SLC5A12: variants seen among roughly 807,000 people sequenced by gnomAD.
SLC5A12 encodes solute carrier family 5 member 12, also known as sodium-coupled monocarboxylate transporter 2.
Under a neutral mutation model 72.7 loss-of-function variants are expected in SLC5A12, and 46 were observed. The observed-to-expected ratio is 0.63, with a 90% CI of 0.50 to 0.81. The LOEUF (loss-of-function observed/expected upper bound fraction) is 0.81, where lower values mean the gene tolerates loss of function less well. Ranked by LOEUF, SLC5A12 falls within the 30% of genes least tolerant of loss-of-function variation. SLC5A12 has a pLI of 0.00. For synonymous variants in SLC5A12, 275 were observed against 264.4 expected (o/e 1.04, Z -0.39); for missense variants, 683 against 740.7 (o/e 0.92, Z 0.90).
chr11:26,721,819 CTG>C lies in SLC5A12; in HGVS notation c.-107_-106del. Reference sequence around the variant, plus strand: ...GTGGATGCTTTGCTGAGAGGAGAGACTGTGATTCCCTGAAGAAAATGATTACC... The same window carrying C: ...GTGGATGCTTTGCTGAGAGGAGAGACTGATTCCCTGAAGAAAATGATTACC... On this transcript the variant is annotated 5_prime_UTR_variant, in exon 1 of 15. Transcript: ENST00000396005. 2.1e-6 allele frequency: 2 copies of C among 940,532 alleles called. No homozygotes were observed. Among genetic ancestry groups the C allele is most frequent in the South Asian group, 1.6e-5 (1 of 61,710 alleles). The allele number at this position is 940,532 out of a possible 1,614,324, so 58.3% of individuals were successfully genotyped here.
chr11:26,711,219 C>T, intron 3 of SLC5A12, 88 bp downstream of exon 3: 1 of 1,094,572 alleles, frequency 9.1e-7, no homozygotes, highest in Non-Finnish European at 1.4e-6. Context: ...GAATATCTCC[C>T]CAACAAAGTA....
intron 7 of SLC5A12, 126 bp downstream of exon 7, chr11:26,698,280 A>G (rs1321798943): frequency 1.6e-6 from 2 of 1,259,066 alleles, no homozygotes; most frequent in Non-Finnish European, 2.2e-6. Context: ...GAAAGAAACC[A>G]ACTTCTTGGG....
intron 13 of SLC5A12, among the ~76,000 whole-genome samples, chr11:26,675,395 A>C (rs2133133223): frequency 1.3e-5 from 2 of 152,284 alleles, no homozygotes; most frequent in Middle Eastern, 6.8e-3. Context: ...CAAATTCTCA[A>C]ACCAGAAGCT....
chr11:26,706,892 T>C (rs912376397), intron 4 of SLC5A12, among the ~76,000 whole-genome samples: 2 of 151,136 alleles, frequency 1.3e-5, no homozygotes, highest in African/African-American at 4.8e-5. Flanking sequence ...AAAATAATGG[T>C]TATCATTTCA....
Position 26,670,980 on chromosome 11 carries a change from C to T in SLC5A12, c.*122G>A. ...TAAATAAGTAGAAATAGGCACCAGA[C>T]ATCCCTGTCTTCTAGCAATGGCAAC... On this transcript the variant is annotated 3_prime_UTR_variant, in exon 15 of 15. Transcript: ENST00000396005. 2.5e-6 allele frequency: 2 copies of T among 807,826 alleles called. No homozygotes were observed. Among genetic ancestry groups the T allele is most frequent in the South Asian group, 2.9e-5 (1 of 34,054 alleles). The allele number at this position is 807,826 out of a possible 1,614,324, so 50.0% of individuals were successfully genotyped here.
intron 8 of SLC5A12, 64 bp from the exon 9 acceptor site, chr11:26,692,665 T>C (rs190494003): frequency 5.2e-6 from 6 of 1,149,052 alleles, no homozygotes; most frequent in African/African-American, 4.5e-5. Context: ...CAGCCTGCCC[T>C]CTTGTCCAGG....
chr11:26,690,247 A>C (rs1854634823), intron 9 of SLC5A12, among the ~76,000 whole-genome samples: 2 of 152,242 alleles, frequency 1.3e-5, no homozygotes, highest in Non-Finnish European at 1.5e-5. Flanking sequence ...GAATAGCCAA[A>C]ATTTTTTTGT....
At chr11:26,704,063 T>C (rs1458794199) in intron 4 of SLC5A12, 116 bp from the exon 5 acceptor site, 1 of 1,114,018 alleles carries the variant, frequency 9.0e-7, no homozygotes, top group Non-Finnish European at 1.3e-6. Context: ...CATCAGCCAC[T>C]GAGGATCTTT....
intron 1 of SLC5A12, among the ~76,000 whole-genome samples, chr11:26,719,785 T>C (rs7128606): frequency 0.042 from 6,356 of 152,274 alleles, 342 homozygotes; most frequent in African/African-American, 0.12. Flanking sequence ...CATACCAGCA[T>C]TCCTCCTCTC....
chr11:26,677,923 C>G (rs1215619533), intron 13 of SLC5A12, among the ~76,000 whole-genome samples: 1 of 152,094 alleles, frequency 6.6e-6, no homozygotes, highest in Non-Finnish European at 1.5e-5. Flanking sequence ...GACAAGAGTA[C>G]AGTGAACTTA....
intron 7 of SLC5A12, among the ~76,000 whole-genome samples, chr11:26,697,853 C>T (rs562901523): frequency 1.4e-3 from 216 of 149,530 alleles, no homozygotes; most frequent in African/African-American, 5.1e-3. Context: ...CCTTGCTATG[C>T]TGCCAGACCT....
chr11:26,711,382 T>C (rs562163382), intron 2 of SLC5A12, 24 bp from the exon 3 acceptor site: 26 of 1,600,566 alleles, frequency 1.6e-5, no homozygotes, highest in African/African-American at 1.5e-4. Flanking sequence ...AAGAATCAGA[T>C]TGGCAGTGAG....
chr11:26,677,557 T>C (rs375204658), intron 13 of SLC5A12, among the ~76,000 whole-genome samples: 1 of 152,188 alleles, frequency 6.6e-6, no homozygotes, highest in African/African-American at 2.4e-5. Context: ...GTCAGGGTAC[T>C]AAGGCAAAAT....
intron 6 of SLC5A12, among the ~76,000 whole-genome samples, chr11:26,699,954 T>C (rs1854918765): frequency 6.6e-6 from 1 of 152,230 alleles, no homozygotes; most frequent in Non-Finnish European, 1.5e-5. Flanking sequence ...AGAAATTCTT[T>C]ACTACATAAC....
At chr11:26,696,765 A>G (rs1854826235) in intron 8 of SLC5A12, among the ~76,000 whole-genome samples, 1 of 152,218 alleles carries the variant, frequency 6.6e-6, no homozygotes, top group Admixed American at 6.5e-5. Flanking sequence ...CAGACTGTAT[A>G]TATTGTAGCC....
At chr11:26,714,780 C>A (rs2133218701) in intron 1 of SLC5A12, among the ~76,000 whole-genome samples, 1 of 152,116 alleles carries the variant, frequency 6.6e-6, no homozygotes, top group East Asian at 1.9e-4. Flanking sequence ...CAAAGGACAT[C>A]TCTTGGCAGA....
chr11:26,671,047 T>TGTGTGTGTG lies in SLC5A12; in HGVS notation c.*54_*55insCACACACAC. 1 of 1,354,114 alleles carries TGTGTGTGTG rather than the reference T, an allele frequency of 7.4e-7. No homozygotes were observed. Among genetic ancestry groups the TGTGTGTGTG allele is most frequent in the Non-Finnish European group, 1.0e-6 (1 of 991,514 alleles). The allele number at this position is 1,354,114 out of a possible 1,614,324, so 83.9% of individuals were successfully genotyped here. On this transcript the variant is annotated 3_prime_UTR_variant, in exon 15 of 15. Transcript: ENST00000396005. ...CAAGTAGGCAAGAAGTATGTGGAGT[T>TGTGTGTGTG]TGTGTGTGTGTGTGTGTATTGCACG...
intron 12 of SLC5A12, among the ~76,000 whole-genome samples, chr11:26,680,105 G>A (rs1854357415): frequency 6.6e-6 from 1 of 151,364 alleles, no homozygotes; most frequent in Admixed American, 6.6e-5. Flanking sequence ...GAGAAGCCTG[G>A]ACTCAGAGGG....
At chr11:26,690,128 T>C (rs1242528232) in intron 9 of SLC5A12, among the ~76,000 whole-genome samples, 1 of 152,192 alleles carries the variant, frequency 6.6e-6, no homozygotes, top group Non-Finnish European at 1.5e-5. Context: ...TATTCCCAAA[T>C]ACATTTTCAT....
Sources: allele counts gnomAD v4.1 joint callset (sites outside exome capture counted in the v4.1 genomes callset), GRCh38; gene constraint gnomAD v4.1.1; transcripts MANE v1.5; gene names NCBI Gene and HGNC (gene_info 2026-07-23, HGNC 2026-07-21).